Variants in PHACTR2 observed in about 807,000 individuals in gnomAD.
PHACTR2 encodes the protein chromosome 6 open reading frame 56.
A neutral mutation model predicts 76.0 loss-of-function variants in PHACTR2; 30 were observed. The observed-to-expected ratio is 0.39, with a 90% confidence interval of 0.30 to 0.54. The LOEUF is 0.54. Among genes scored for constraint, PHACTR2 ranks in the 20% least tolerant of loss-of-function variants. PHACTR2 has a pLI of 0.61. For synonymous variants in PHACTR2, 292 were observed against 292.5 expected, an observed-to-expected ratio of 1.00 and a Z score of 0.02; for missense variants, 696 against 781.1, an observed-to-expected ratio of 0.89 and a Z score of 1.30.
intron 1 of PHACTR2, among the ~76,000 whole-genome samples, chr6:143,588,782 G>C (rs1034813681): frequency 3.3e-5 from 5 of 152,150 alleles, no homozygotes; most frequent in Admixed American, 3.3e-4. Context: ...AGAAGTTGCA[G>C]AAATTAAAAG....
chr6:143,544,204 A>G (rs1245595199), intron 1 of PHACTR2, among the ~76,000 whole-genome samples: 1 of 144,354 alleles, frequency 6.9e-6, no homozygotes, highest in East Asian at 2.3e-4. Context: ...GCCTTGTGTG[A>G]TAGTAGGTCA....
rs964996138 is a variant in PHACTR2 at position 143,757,471 on chromosome 6, T to C, written c.455-2930T>C. Among the ~76,000 whole-genome samples, 2 of 152,204 alleles carry C rather than the reference T, an allele frequency of 1.3e-5. No homozygotes were observed. The highest frequency in any genetic ancestry group is 2.9e-5 in the Non-Finnish European group (2 of 68,026). On this transcript the variant is annotated intron_variant, in intron 4 of 12. Coordinates refer to ENST00000440869, the MANE Select transcript of PHACTR2 (RefSeq NM_001100164.2). This position sits in a 1 kb window ranked among gnomAD's most constrained non-coding sequence, Gnocchi z 4.2. ...GAGGAATTGGGTAAGAATTGCATTC[T>C]AGGCAGGGTGAGGACCACATGCAGC...
At chr6:143,729,679 T>C (rs779976736) in intron 2 of PHACTR2, among the ~76,000 whole-genome samples, 1 of 152,214 alleles carries the variant, frequency 6.6e-6, no homozygotes, top group Admixed American at 6.5e-5. Flanking sequence ...GGTAAAAGTC[T>C]TTTGTCCAAT....
At position 143,595,898 on chromosome 6, in the gene PHACTR2, T is replaced by G. The variant is rs1775745338; in HGVS notation, c.217+58691T>G. 2.0e-5 allele frequency among the ~76,000 whole-genome samples: 3 copies of G among 152,230 alleles called. No homozygotes were observed. The highest frequency in any genetic ancestry group is 7.2e-5 in the African/African-American group (3 of 41,460). On this transcript the variant is annotated intron_variant, in intron 1 of 11. Coordinates refer to the PHACTR2 transcript ENST00000367584. This position sits in a 1 kb window ranked among gnomAD's most constrained non-coding sequence, Gnocchi z 4.2. The stretch of plus-strand genomic sequence containing the variant: ...CTTTTCCTTCTCCCTTCCTGTCTAC[T>G]GAGTTGGGTGGGTTATAGGTAGCGT...
At chr6:143,575,206 T>C (rs9496677) in intron 1 of PHACTR2, among the ~76,000 whole-genome samples, 51,384 of 152,158 alleles carry the variant, frequency 0.34, 9,336 homozygotes, top group Non-Finnish European at 0.4. Flanking sequence ...TGTTTATACA[T>C]AGTCTTTGAA....
intron 1 of PHACTR2, among the ~76,000 whole-genome samples, chr6:143,575,760 T>A (rs9484771): frequency 0.61 from 93,321 of 152,062 alleles, 28,979 homozygotes; most frequent in Middle Eastern, 0.72. Flanking sequence ...CCAATCATTT[T>A]AAAACCTTTA....
chr6:143,663,051 T>C lies in PHACTR2; in HGVS notation c.14-48965T>C, dbSNP rs1162584790. On this transcript the variant is annotated intron_variant, in intron 1 of 11. Transcript: ENST00000305766. The surrounding 1 kb of genome is among the most constrained non-coding windows in gnomAD (Gnocchi z 4.1). Reference sequence around the variant, plus strand: ...GCAAAGGACATTATTTCATTCTTTTTTTATGGCTGTATAATATTCCCTGGT... The same window carrying C: ...GCAAAGGACATTATTTCATTCTTTTCTTATGGCTGTATAATATTCCCTGGT... 6.6e-6 allele frequency among the ~76,000 whole-genome samples: 1 copy of C among 152,242 alleles called. No individual in the cohort carries two copies. Among genetic ancestry groups the C allele is most frequent in the Non-Finnish European group, 1.5e-5 (1 of 68,044 alleles).
intron 6 of PHACTR2, among the ~76,000 whole-genome samples, chr6:143,770,925 C>CTTTTT (rs72471881): frequency 3.4e-5 from 4 of 119,212 alleles, no homozygotes; most frequent in African/African-American, 1.2e-4. Context: ...TTCTTTCTTT[C>CTTTTT]TTTTTTTTTT....
In PHACTR2 at chr6:143,765,605, C is replaced by T; in HGVS notation, c.1039C>T (p.Leu347=). The part of the protein sequence containing the change: ...PPPVAPAPSP[L]APPLPLEDQC... ...CCCTGTGGCTCCAGCACCTTCTCCT[C>T]TGGCCCCCCCTCTCCCTCTTGAGGA... is the stretch of plus-strand genomic sequence containing the variant. Residue 347 remains leucine (L), a synonymous_variant, in exon 6 of 13, where the codon CTG becomes TTG. Coordinates refer to ENST00000440869, the MANE Select transcript of PHACTR2 (RefSeq NM_001100164.2). This position sits in a 1 kb window ranked among gnomAD's most constrained non-coding sequence, Gnocchi z 4.1. 1 of 1,614,150 alleles carries T rather than the reference C, an allele frequency of 6.2e-7. No individual in the cohort carries two copies. Among genetic ancestry groups the T allele is most frequent in the East Asian group, 2.2e-5 (1 of 44,874 alleles).
rs748744373 is a variant in PHACTR2 at position 143,683,315 on chromosome 6, A to G, written c.46+5106A>G. 2.0e-5 allele frequency among the ~76,000 whole-genome samples: 3 copies of G among 152,206 alleles called. No homozygotes were observed. Among genetic ancestry groups the G allele is most frequent in the Non-Finnish European group, 2.9e-5 (2 of 68,028 alleles). On this transcript the variant is annotated intron_variant, in intron 1 of 12. Transcript: ENST00000440869. This position sits in a 1 kb window ranked among gnomAD's most constrained non-coding sequence, Gnocchi z 4.1. ...TCAATAAGCAGCCTGACTGCTTTAA[A>G]CCAATGATTATATGAATGAGAGGTA...
In PHACTR2 at chr6:143,708,951, A is replaced by G. The variant is rs1257074813; in HGVS notation, c.47-3065A>G. Among the ~76,000 whole-genome samples the G allele has an allele frequency of 6.6e-6, 1 of 152,188 alleles. No homozygotes were observed. The highest frequency in any genetic ancestry group is 2.1e-4 in the South Asian group (1 of 4,832). Reference sequence around the variant, plus strand: ...AGCCACAGAGATGAATTTGAGATGGAAACTTTTGTTTCTATGTTCATAATA... The same window carrying G: ...AGCCACAGAGATGAATTTGAGATGGGAACTTTTGTTTCTATGTTCATAATA... On this transcript the variant is annotated intron_variant, in intron 1 of 12. Transcript: ENST00000440869. This position sits in a 1 kb window ranked among gnomAD's most constrained non-coding sequence, Gnocchi z 5.5.
Position 143,646,060 on chromosome 6 carries a change from G to A in PHACTR2, c.13+37738G>A, listed in dbSNP as rs781711375. On this transcript the variant is annotated intron_variant, in intron 1 of 11. Transcript: ENST00000305766. This position sits in a 1 kb window ranked among gnomAD's most constrained non-coding sequence, Gnocchi z 4.1. ...GAAGAATAATTATGCAGAGATAAAC[G>A]TGTCAGAAACAATAGAATACTTTTT... 1.3e-4 allele frequency among the ~76,000 whole-genome samples: 20 copies of A among 152,178 alleles called. No homozygotes were observed. The highest frequency in any genetic ancestry group is 9.6e-4 in the East Asian group (5 of 5,184).
chr6:143,570,030 T>C lies in PHACTR2; in HGVS notation c.217+32823T>C, dbSNP rs1463264921. 1.3e-5 allele frequency among the ~76,000 whole-genome samples: 2 copies of C among 152,226 alleles called. No homozygotes were observed. The highest frequency in any genetic ancestry group is 4.8e-5 in the African/African-American group (2 of 41,454). Reference sequence around the variant, plus strand: ...AGTAAACATTACTATAAAAAATGTTTAAATCTAGGAACCTAAATAATAAAA... The same window carrying C: ...AGTAAACATTACTATAAAAAATGTTCAAATCTAGGAACCTAAATAATAAAA... On this transcript the variant is annotated intron_variant, in intron 1 of 11. Coordinates refer to the PHACTR2 transcript ENST00000367584. This position sits in a 1 kb window ranked among gnomAD's most constrained non-coding sequence, Gnocchi z 4.6.
At chr6:143,712,921 C>T (rs1448244984) in intron 2 of PHACTR2, among the ~76,000 whole-genome samples, 3 of 152,226 alleles carry the variant, frequency 2.0e-5, no homozygotes, top group African/African-American at 7.2e-5. Flanking sequence ...GGCTTTAAAT[C>T]TCAGGCCAGA....
intron 1 of PHACTR2, among the ~76,000 whole-genome samples, chr6:143,690,628 G>A (rs17519789): frequency 0.01 from 1,563 of 152,254 alleles, 11 homozygotes; most frequent in Non-Finnish European, 0.013. Context: ...CAGGATGAAC[G>A]TTTTCCTTTT....
chr6:143,762,327 G>A (rs1779461673), intron 5 of PHACTR2, among the ~76,000 whole-genome samples: 1 of 152,174 alleles, frequency 6.6e-6, no homozygotes, highest in Admixed American at 6.5e-5. Context: ...CACCAGGTCA[G>A]GGGACAGCTT....
rs71024875 is a variant in PHACTR2, at chr6:143,751,791, T to TACACACACACACACACACAC, written c.296-1948_296-1929dup. Among the ~76,000 whole-genome samples, 47 of 140,366 alleles carry TACACACACACACACACACAC rather than the reference T, an allele frequency of 3.3e-4. No homozygotes were observed. The highest frequency in any genetic ancestry group is 3.6e-3 in the Middle Eastern group (1 of 274). The allele number at this position is 140,366 out of a possible 152,430, so 92.1% of individuals were successfully genotyped here. A position where few individuals can be genotyped will look rare whatever the true frequency, so the allele number is the denominator to read the frequency against. ...TCCTTTGCTCTGCTTGTATTTTACTTACACACACACACACACACACACACA... is the reference window on the plus strand; with the variant it reads ...TCCTTTGCTCTGCTTGTATTTTACTTACACACACACACACACACACACACACACACACACACACACACACA... On this transcript the variant is annotated intron_variant, in intron 3 of 12. Transcript: ENST00000440869. This position sits in a 1 kb window ranked among gnomAD's most constrained non-coding sequence, Gnocchi z 5.7.
Position 143,824,957 on chromosome 6 carries a change from A to G in PHACTR2, c.*1268A>G, listed in dbSNP as rs1301296011. 1 of 152,612 alleles carries G rather than the reference A, an allele frequency of 6.6e-6. No homozygotes were observed. The highest frequency in any genetic ancestry group is 6.5e-5 in the Admixed American group (1 of 15,286). The allele number at this position is 152,612 out of a possible 1,614,324, so 9.5% of individuals were successfully genotyped here. On this transcript the variant is annotated 3_prime_UTR_variant, in exon 13 of 13. Coordinates refer to ENST00000440869, the MANE Select transcript of PHACTR2 (RefSeq NM_001100164.2). The surrounding 1 kb of genome is among the most constrained non-coding windows in gnomAD (Gnocchi z 6.3). ...GCAAAAGAATCAGTGAGGTTAAAGTAGTGGAAGTTTTCCCTATGAGCCTAC... is the reference window on the plus strand; with the variant it reads ...GCAAAAGAATCAGTGAGGTTAAAGTGGTGGAAGTTTTCCCTATGAGCCTAC...
intron 2 of PHACTR2, among the ~76,000 whole-genome samples, chr6:143,724,298 A>AT (rs1165674411): frequency 6.6e-6 from 1 of 151,710 alleles, no homozygotes; most frequent in African/African-American, 2.4e-5. Context: ...CGCCTGGCTA[A>AT]TTTTTTTGTA....
Sources: gnomAD v4.1 joint callset for allele counts (sites outside exome capture counted in the v4.1 genomes callset) on GRCh38, gnomAD v4.1.1 for gene constraint, Gnocchi (gnomAD v3.1) non-coding constraint, MANE v1.5 for transcripts, NCBI Gene and HGNC (gene_info 2026-07-23, HGNC 2026-07-21) for gene names.